Variants in ALK observed in about 807,000 individuals in gnomAD.
ALK encodes the protein ALK tyrosine kinase receptor.
A neutral mutation model predicts 163.1 loss-of-function variants in ALK; 74 were observed. The ratio of observed to expected loss-of-function variants is 0.45; its 90% confidence interval spans 0.38 to 0.55. ALK has a LOEUF of 0.55. Among genes scored for constraint, ALK ranks in the 20% least tolerant of loss-of-function variants. The pLI is 0.00. For synonymous variants in ALK, 960 were observed against 843.2 expected, an observed-to-expected ratio of 1.14 and a Z score of -2.40; for missense variants, 2,063 against 2,105.3, an observed-to-expected ratio of 0.98 and a Z score of 0.39.
intron 1 of ALK, among the ~76,000 whole-genome samples, chr2:29,835,262 G>A (rs751986820): frequency 5.9e-5 from 9 of 152,140 alleles, no homozygotes; most frequent in Non-Finnish European, 1.2e-4. Context: ...GTAAAATTCA[G>A]TGGCCATATT....
chr2:29,592,247 C>G (rs1180980773), intron 3 of ALK, among the ~76,000 whole-genome samples: 1 of 152,134 alleles, frequency 6.6e-6, no homozygotes, highest in Non-Finnish European at 1.5e-5. Flanking sequence ...GGAATACCAC[C>G]AGGCCCACCC....
chr2:29,716,825 G>A (rs1022273655), intron 2 of ALK, among the ~76,000 whole-genome samples: 5 of 151,696 alleles, frequency 3.3e-5, no homozygotes, highest in African/African-American at 2.4e-5. Flanking sequence ...GACCTGTGAC[G>A]CTCATAATAA....
At chr2:29,581,419 G>A (rs1005279846) in intron 3 of ALK, among the ~76,000 whole-genome samples, 5 of 151,366 alleles carry the variant, frequency 3.3e-5, no homozygotes, top group South Asian at 2.1e-4. Flanking sequence ...AAGAGTCAAA[G>A]CATGAGCAGA....
intron 26 of ALK, among the ~76,000 whole-genome samples, chr2:29,205,787 C>T (rs1669294974): frequency 6.6e-6 from 1 of 152,156 alleles, no homozygotes; most frequent in African/African-American, 2.4e-5. Flanking sequence ...TCCTCAACTT[C>T]ATCACATCTG....
intron 1 of ALK, among the ~76,000 whole-genome samples, chr2:29,802,255 G>C (rs558082943): frequency 4.0e-4 from 60 of 148,958 alleles, no homozygotes; most frequent in African/African-American, 1.4e-3. Flanking sequence ...CAACTTCCAT[G>C]GTCTTGCTTA....
In ALK at chr2:29,829,948, C is replaced by T. The variant is rs144534030; in HGVS notation, c.667+90045G>A. 2.0e-5 allele frequency among the ~76,000 whole-genome samples: 3 copies of T among 152,332 alleles called. No homozygotes were observed. In the East Asian group the frequency reaches 5.8e-4, roughly 29 times the overall value. On this transcript the variant is annotated intron_variant, in intron 1 of 28. Transcript: ENST00000389048. Reference sequence around the variant, plus strand: ...CCTCTGGGTGAACATTTGAGATTTCCATTAAGTTGATGCCATAATTTGCTG... The same window carrying T: ...CCTCTGGGTGAACATTTGAGATTTCTATTAAGTTGATGCCATAATTTGCTG...
intron 3 of ALK, among the ~76,000 whole-genome samples, chr2:29,551,225 G>A (rs1367255296): frequency 6.6e-6 from 1 of 152,280 alleles, no homozygotes. Context: ...ATTTACGGGA[G>A]TAAATATTTA....
chr2:29,630,404 C>G (rs1006519204), intron 3 of ALK, among the ~76,000 whole-genome samples: 1 of 151,942 alleles, frequency 6.6e-6, no homozygotes. Context: ...TGATATTAAG[C>G]CTAATTACAG....
chr2:29,371,392 C>T (rs1218647607), intron 5 of ALK, among the ~76,000 whole-genome samples: 1 of 152,274 alleles, frequency 6.6e-6, no homozygotes, highest in Non-Finnish European at 1.5e-5. Flanking sequence ...CAAAGCCCTT[C>T]ACTCTGGAAG....
At chr2:29,468,549 T>C (rs1671267834) in intron 4 of ALK, among the ~76,000 whole-genome samples, 1 of 152,208 alleles carries the variant, frequency 6.6e-6, no homozygotes, top group African/African-American at 2.4e-5. Context: ...GAAAAGTTCA[T>C]GGTTCAGAAT....
chr2:29,704,872 A>G (rs1305411409), intron 2 of ALK, among the ~76,000 whole-genome samples: 1 of 152,170 alleles, frequency 6.6e-6, no homozygotes. Context: ...GGGGCAATTC[A>G]TTTAACCACT....
At position 29,465,422 on chromosome 2, in the gene ALK, G is replaced by C. The variant is rs577530764; in HGVS notation, c.1154+66493C>G. The stretch of plus-strand genomic sequence containing the variant: ...GGAACGTTAAAAGTAGGCCAGGCAT[G>C]GTGGCTCATGCTTATAATCCCAACA... On this transcript the variant is annotated intron_variant, in intron 4 of 28. Coordinates refer to ENST00000389048, the MANE Select transcript of ALK (RefSeq NM_004304.5). Among the ~76,000 whole-genome samples the C allele has an allele frequency of 2.0e-5, 3 of 152,302 alleles. No homozygotes were observed. In the South Asian group the frequency reaches 6.2e-4, roughly 32 times the overall value.
chr2:29,195,885 T>C (rs762644949), intron 28 of ALK, among the ~76,000 whole-genome samples: 5 of 152,174 alleles, frequency 3.3e-5, no homozygotes, highest in Middle Eastern at 3.4e-3. Context: ...GAGCAGGCGA[T>C]TGGTGATACT....
intron 1 of ALK, among the ~76,000 whole-genome samples, chr2:29,755,127 A>G (rs1680479284): frequency 6.6e-6 from 1 of 152,232 alleles, no homozygotes; most frequent in Non-Finnish European, 1.5e-5. Context: ...GTAGGGGGTC[A>G]GTGAGGAACC....
intron 1 of ALK, among the ~76,000 whole-genome samples, chr2:29,778,270 G>T (rs1681234278): frequency 6.6e-6 from 1 of 152,176 alleles, no homozygotes; most frequent in East Asian, 1.9e-4. Context: ...GCTGTTGATG[G>T]CAGTGATTTA....
rs534643259 is a variant in ALK, at chr2:29,402,353, G to A, written c.1155-18494C>T. 9.2e-5 allele frequency among the ~76,000 whole-genome samples: 14 copies of A among 152,372 alleles called. No homozygotes were observed. The South Asian group carries it at 2.7e-3, about 29-fold the overall frequency. On this transcript the variant is annotated intron_variant, in intron 4 of 28. Coordinates refer to ENST00000389048, the MANE Select transcript of ALK (RefSeq NM_004304.5). ...CTCGGCGTCTGGCCCAGCGTGAGCA[G>A]ATGCTTGTGCATAGAGACACAGCAT...
intron 1 of ALK, among the ~76,000 whole-genome samples, chr2:29,749,183 C>T (rs895695211): frequency 1.3e-5 from 2 of 152,134 alleles, no homozygotes; most frequent in Non-Finnish European, 2.9e-5. Context: ...GAGCTGCCCT[C>T]AGTCCCCAGG....
Position 29,691,734 on chromosome 2 carries a change from T to C in ALK, c.952+3116A>G, listed in dbSNP as rs530382204. 3.9e-5 allele frequency among the ~76,000 whole-genome samples: 6 copies of C among 152,328 alleles called. No homozygotes were observed. The East Asian group carries it at 1.2e-3, about 29-fold the overall frequency. ...TGTTTTGTCATAGCACTCAGTGTAT[T>C]GTGCGCATGTCAGCGATCACAGGTG... is the stretch of plus-strand genomic sequence containing the variant. On this transcript the variant is annotated intron_variant, in intron 3 of 28. Transcript: ENST00000389048.
At chr2:29,254,519 G>A (rs1664904843) in intron 11 of ALK, among the ~76,000 whole-genome samples, 1 of 152,138 alleles carries the variant, frequency 6.6e-6, no homozygotes, top group South Asian at 2.1e-4. Flanking sequence ...TCTGGTGAGG[G>A]AGGAAGAAGG....
Sources: allele counts gnomAD v4.1 joint callset (sites outside exome capture counted in the v4.1 genomes callset), GRCh38; gene constraint gnomAD v4.1.1; transcripts MANE v1.5; gene names NCBI Gene and HGNC (gene_info 2026-07-23, HGNC 2026-07-21).